Variants in VPS13C observed in about 807,000 individuals in gnomAD.
VPS13C encodes vacuolar protein sorting 13 homolog C, also known as intermembrane lipid transfer protein VPS13C.
Under a neutral mutation model 456.8 loss-of-function variants are expected in VPS13C, and 358 were observed. The observed-to-expected ratio is 0.78, with a 90% CI of 0.72 to 0.86. VPS13C has a LOEUF of 0.86. VPS13C is among the 40% of genes least tolerant of loss of function. The pLI, the probability that VPS13C is intolerant of heterozygous loss-of-function variation, is 0.00. For synonymous variants in VPS13C, 1,578 were observed against 1,486.7 expected, an observed-to-expected ratio of 1.06 and a Z score of -1.41; for missense variants, 4,818 against 4,385.4, an observed-to-expected ratio of 1.10 and a Z score of -2.79.
Position 61,972,621 on chromosome 15 carries a change from A to G in VPS13C, c.2757+4T>C, listed in dbSNP as rs750580342. The G allele has an allele frequency of 6.2e-7, 1 of 1,612,266 alleles. No homozygotes were observed. The highest frequency in any genetic ancestry group is 8.5e-7 in the Non-Finnish European group (1 of 1,179,422). On this transcript the variant is annotated splice_donor_region_variant and intron_variant, in intron 27 of 84. Coordinates refer to ENST00000644861, the MANE Select transcript of VPS13C (RefSeq NM_020821.3). The stretch of plus-strand genomic sequence containing the variant: ...TATCTATTTATAGACAAAAAAGCAC[A>G]TACTTCTTTAATTTCAAACTTGAGT...
chr15:62,023,660 C>T (rs2047538197), intron 7 of VPS13C, 120 bp downstream of exon 7: 1 of 1,182,702 alleles, frequency 8.5e-7, no homozygotes, highest in Non-Finnish European at 1.2e-6. Context: ...ATATGCATTT[C>T]CAACTTAAAA....
chr15:61,953,217 A>AT (rs1032545991), intron 38 of VPS13C, among the ~76,000 whole-genome samples: 5 of 151,174 alleles, frequency 3.3e-5, no homozygotes, highest in Non-Finnish European at 1.5e-5. Flanking sequence ...TTCTCAGACA[A>AT]TTTTTTTTAA....
At position 61,917,336 on chromosome 15, in the gene VPS13C, C is replaced by T; in HGVS notation, c.8055+5G>A. 1.2e-6 allele frequency: 2 copies of T among 1,609,930 alleles called. No homozygotes were observed. Among genetic ancestry groups the T allele is most frequent in the South Asian group, 2.2e-5 (2 of 90,804 alleles). ...CAAAAATCAAACAAAATGCAAGAGA[C>T]ATACCTCAAGTAAATATCTTAGGGA... is the stretch of plus-strand genomic sequence containing the variant. On this transcript the variant is annotated splice_donor_5th_base_variant and intron_variant, in intron 60 of 84. Coordinates refer to ENST00000644861, the MANE Select transcript of VPS13C (RefSeq NM_020821.3).
At chr15:61,886,690 C>T (rs1290186553) in intron 67 of VPS13C, among the ~76,000 whole-genome samples, 2 of 151,988 alleles carry the variant, frequency 1.3e-5, no homozygotes, top group Non-Finnish European at 2.9e-5. Flanking sequence ...GGCTCATAGG[C>T]CAAACTTTGC....
intron 42 of VPS13C, among the ~76,000 whole-genome samples, chr15:61,948,519 T>C (rs151255510): frequency 6.6e-6 from 1 of 151,924 alleles, no homozygotes; most frequent in East Asian, 1.9e-4. Context: ...CCATCTCTAC[T>C]AAAAATATAA....
chr15:62,013,346 G>C lies in VPS13C; in HGVS notation c.745-227C>G, dbSNP rs377127421. 4.0e-5 allele frequency among the ~76,000 whole-genome samples: 6 copies of C among 151,538 alleles called. 1 individual carries two copies. In the East Asian group the frequency reaches 7.7e-4, roughly 20 times the overall value. On this transcript the variant is annotated intron_variant, in intron 10 of 84. Transcript: ENST00000644861. The stretch of plus-strand genomic sequence containing the variant: ...CACTTTCAAGAACACTATTTCCAAG[G>C]AACTCATTCATTCAATTATCAAATA...
Position 62,019,654 on chromosome 15 carries a change from CTGTT to C in VPS13C, c.684+821_684+824del, listed in dbSNP as rs540636132. Among the ~76,000 whole-genome samples, 969 of 152,068 alleles carry C rather than the reference CTGTT, an allele frequency of 6.4e-3. 8 individuals carry two copies. The highest frequency in any genetic ancestry group is 0.022 in the African/African-American group (913 of 41,494). ...TTTGATTGCACTGTGGTCTGAGAGACTGTTTGTTATAATTTCTGTTCTTTACATT... is the reference window on the plus strand; with the variant it reads ...TTTGATTGCACTGTGGTCTGAGAGACTGTTATAATTTCTGTTCTTTACATT... On this transcript the variant is annotated intron_variant, in intron 9 of 84. Transcript: ENST00000644861.
chr15:61,884,471 G>A (rs1242132152), intron 67 of VPS13C, among the ~76,000 whole-genome samples: 3 of 151,952 alleles, frequency 2.0e-5, no homozygotes, highest in South Asian at 2.1e-4. Flanking sequence ...TTCTATCAAC[G>A]TTGACATCAA....
Position 61,981,381 on chromosome 15 carries a change from T to C in VPS13C, c.2127A>G (p.Glu709=), listed in dbSNP as rs769118498. 17 of 1,611,498 alleles carry C rather than the reference T, an allele frequency of 1.1e-5. No individual in the cohort carries two copies. The highest frequency in any genetic ancestry group is 1.6e-4 in the Middle Eastern group (1 of 6,064). The change falls in exon 22 of 85, where the codon GAA becomes GAG. Residue 709 remains glutamate, a synonymous_variant. Coordinates refer to ENST00000644861, the MANE Select transcript of VPS13C (RefSeq NM_020821.3). ...LVVPQTGFHH[E]KSDLLILDFG... ...AATCTAAAATCAGAAGATCTGACTT[T>C]TCATGGTGGAAACCCGTCTGTGGAA...
At chr15:61,880,516 A>G in intron 73 of VPS13C, 93 bp downstream of exon 73, 16 of 747,854 alleles carry the variant, frequency 2.1e-5, no homozygotes, top group Non-Finnish European at 3.3e-5. Context: ...CAAATACATG[A>G]TGCAACAAAT....
rs1416476981 is a variant in VPS13C, at chr15:61,996,990, C to CATATATATATATAT, written c.1353+3573_1353+3574insATATATATATATAT. 6.4e-3 allele frequency among the ~76,000 whole-genome samples: 893 copies of CATATATATATATAT among 139,876 alleles called. 6 individuals are homozygous for CATATATATATATAT. Among genetic ancestry groups the CATATATATATATAT allele is most frequent in the East Asian group, 0.017 (78 of 4,594 alleles). The allele number at this position is 139,876 out of a possible 152,430, so 91.8% of individuals were successfully genotyped here. A position where few individuals can be genotyped will look rare whatever the true frequency, so the allele number is the denominator to read the frequency against. ...TTTTCATCCTTGCCTATATATTTTACATACATACATATATATATATATGTA... is the reference window on the plus strand; with the variant it reads ...TTTTCATCCTTGCCTATATATTTTACATATATATATATATATACATACATATATATATATATGTA... On this transcript the variant is annotated intron_variant, in intron 16 of 84. Transcript: ENST00000644861.
chr15:61,906,017 C>CAGGA (rs1428744988), intron 66 of VPS13C, among the ~76,000 whole-genome samples: 1 of 152,148 alleles, frequency 6.6e-6, no homozygotes, highest in Non-Finnish European at 1.5e-5. Flanking sequence ...AGAGGTATAA[C>CAGGA]TACCTTCTGA....
intron 61 of VPS13C, among the ~76,000 whole-genome samples, chr15:61,914,878 T>TTAAAAAAAAAA (rs1455691773): frequency 9.8e-6 from 1 of 102,048 alleles, no homozygotes; most frequent in African/African-American, 3.7e-5. Context: ...AACTCTGCCT[T>TTAAAAAAAAAA]AAAAAAAAAA....
chr15:61,995,169 A>G (rs1046787430), intron 16 of VPS13C, among the ~76,000 whole-genome samples: 1 of 152,190 alleles, frequency 6.6e-6, no homozygotes, highest in Non-Finnish European at 1.5e-5. Context: ...TTTATTACTA[A>G]TTTCAGTGAA....
chr15:61,915,811 T>G lies in VPS13C; in HGVS notation c.8267A>C (p.His2756Pro). Residue 2756 changes from histidine (H) to proline (P), a missense_variant, in exon 61 of 85, where the codon CAC becomes CCC. Physicochemically the swap from His to Pro is moderately conservative, Grantham distance 77. Coordinates refer to ENST00000644861, the MANE Select transcript of VPS13C (RefSeq NM_020821.3). ...CATCCGGCTGCCAATTCTCCTGACG[T>G]GGACTGACAGGTCGACTGTCGTCAC... ...TEVTTVDLSV[H>P]VRRIGSRMVL... The G allele has an allele frequency of 1.2e-6, 2 of 1,614,002 alleles. No individual in the cohort carries two copies. Among genetic ancestry groups the G allele is most frequent in the Non-Finnish European group, 1.7e-6 (2 of 1,180,004 alleles).
At chr15:61,888,362 G>C (rs1243913060) in intron 67 of VPS13C, among the ~76,000 whole-genome samples, 3 of 152,060 alleles carry the variant, frequency 2.0e-5, no homozygotes, top group Non-Finnish European at 2.9e-5. Context: ...CCAAAGCAGA[G>C]GAAACATATG....
At chr15:62,039,835 G>T (rs1321617602) in intron 3 of VPS13C, among the ~76,000 whole-genome samples, 1 of 152,064 alleles carries the variant, frequency 6.6e-6, no homozygotes, top group African/African-American at 2.4e-5. Context: ...ACTACCATAT[G>T]ATCCCCCAAT....
chr15:61,873,876 T>C (rs1895214713), intron 77 of VPS13C, among the ~76,000 whole-genome samples: 1 of 151,982 alleles, frequency 6.6e-6, no homozygotes, highest in South Asian at 2.1e-4. Context: ...ACTCCCATGT[T>C]TACTGCAGCA....
At chr15:62,037,305 TA>T (rs1175660585) in intron 3 of VPS13C, among the ~76,000 whole-genome samples, 2 of 76,044 alleles carry the variant, frequency 2.6e-5, no homozygotes, top group African/African-American at 1.1e-4. Context: ...ATATAATATA[TA>T]TATAAATATA....
Sources: gnomAD v4.1 joint callset for allele counts (sites outside exome capture counted in the v4.1 genomes callset) on GRCh38, gnomAD v4.1.1 for gene constraint, MANE v1.5 for transcripts, NCBI Gene and HGNC (gene_info 2026-07-23, HGNC 2026-07-21) for gene names.